Variants in RHBDF2 observed in about 807,000 individuals in gnomAD.
RHBDF2 encodes the protein rhomboid 5 homolog 2, also known as inactive rhomboid protein 2.
A neutral mutation model predicts 95.2 loss-of-function variants in RHBDF2; 38 were observed. The ratio of observed to expected loss-of-function variants is 0.40; its 90% CI spans 0.31 to 0.52. RHBDF2 has a LOEUF of 0.52. Ranked by LOEUF, RHBDF2 falls within the 20% of genes least tolerant of loss-of-function variation. RHBDF2 has a pLI of 0.56. For synonymous variants in RHBDF2, 442 were observed against 462.0 expected (o/e 0.96, Z 0.55); for missense variants, 863 against 1,137.7 (o/e 0.76, Z 3.47).
chr17:76,479,816 C>T lies in RHBDF2; in HGVS notation c.189G>A (p.Gln63=). The change falls in exon 4 of 19, where the codon CAG becomes CAA. Residue 63 remains glutamine (Q), a synonymous_variant. Coordinates refer to ENST00000675367, the MANE Select transcript of RHBDF2 (RefSeq NM_001005498.4). ...NPAYLKSVSL[Q]EPRSRWQESS... The stretch of plus-strand genomic sequence containing the variant: ...TCTCCTGCCATCGGCTGCGTGGCTC[C>T]TGGAGGCTGACGCTCTTCAAGTAGG... 1 of 1,613,200 alleles carries T rather than the reference C, an allele frequency of 6.2e-7. No individual in the cohort carries two copies. The highest frequency in any genetic ancestry group is 8.5e-7 in the Non-Finnish European group (1 of 1,179,832).
rs2073705546 is a variant in RHBDF2 at position 76,474,611 on chromosome 17, C to T, written c.1303-77G>A. 6.2e-6 allele frequency: 10 copies of T among 1,609,668 alleles called. No homozygotes were observed. The Admixed American group carries it at 1.7e-4, about 27-fold the overall frequency. On this transcript the variant is annotated intron_variant, in intron 11 of 18. Coordinates refer to ENST00000675367, the MANE Select transcript of RHBDF2 (RefSeq NM_001005498.4). ...AGGGGTCCATCACTCCACCTCTGCC[C>T]CGCAGAGTCTCCCCTGATGAGGGGC...
chr17:76,485,411 CAAAAAAAAAAAAAAA>C (rs35202087), intron 2 of RHBDF2, among the ~76,000 whole-genome samples: 1 of 62,778 alleles, frequency 1.6e-5, no homozygotes, highest in African/African-American at 6.5e-5. Context: ...AACTCTGTCT[CAAAAAAAAAAAAAAA>C]AAAAAAAGAG....
At position 76,478,801 on chromosome 17, in the gene RHBDF2, C is replaced by T. The variant is rs773585534; in HGVS notation, c.672+5G>A. On this transcript the variant is annotated splice_donor_5th_base_variant and intron_variant, in intron 6 of 18. Transcript: ENST00000675367. ...GTGGGGGCCCTGCAGGAGGGAGCCC[C>T]GCACCTTGAGGAGGGCAGCGGCAGC... The T allele has an allele frequency of 1.5e-5, 24 of 1,608,886 alleles. No homozygotes were observed. Among genetic ancestry groups the T allele is most frequent in the Admixed American group, 5.0e-5 (3 of 59,464 alleles).
Position 76,474,140 on chromosome 17 carries a change from C to G in RHBDF2, c.1467G>C (p.Glu489Asp), listed in dbSNP as rs367660554. 1.8e-5 allele frequency: 29 copies of G among 1,575,854 alleles called. No individual in the cohort carries two copies. The highest frequency in any genetic ancestry group is 1.8e-5 in the Admixed American group (1 of 57,074). The change falls in exon 13 of 19, where the codon GAG (glutamate) becomes GAC (aspartate). Residue 489 changes from glutamate (E) to aspartate (D), a missense_variant and splice_region_variant. Glu to Asp is a conservative substitution (Grantham distance 45). Around this residue, in one of 2 missense-constraint regions of RHBDF2, gnomAD observed 611 missense variants for 725.5 expected, o/e 0.84. Coordinates refer to ENST00000675367, the MANE Select transcript of RHBDF2 (RefSeq NM_001005498.4). ...GCCACTTGACAAAAGTGGCCAAAGTCTCCTGGAGGGCAGAAGAAGGCTGGT... is the reference window on the plus strand; with the variant it reads ...GCCACTTGACAAAAGTGGCCAAAGTGTCCTGGAGGGCAGAAGAAGGCTGGT... ...CIQTQRKDCS[E>D]TLATFVKWQD...
chr17:76,480,936 G>T (rs1457352499), intron 3 of RHBDF2, among the ~76,000 whole-genome samples: 1 of 152,206 alleles, frequency 6.6e-6, no homozygotes, highest in Non-Finnish European at 1.5e-5. Context: ...AGACCAGACT[G>T]TCAGAAACAC....
chr17:76,478,531 C>T (rs2073844963), intron 6 of RHBDF2, among the ~76,000 whole-genome samples: 1 of 152,214 alleles, frequency 6.6e-6, no homozygotes, highest in East Asian at 1.9e-4. Flanking sequence ...AAGTATGCAT[C>T]TCACTTCCCA....
chr17:76,493,481 T>A (rs2144413247), intron 1 of RHBDF2, among the ~76,000 whole-genome samples: 1 of 151,912 alleles, frequency 6.6e-6, no homozygotes, highest in African/African-American at 2.4e-5. Flanking sequence ...GGCAGGAAAG[T>A]GGCAAGAAGG....
intron 1 of RHBDF2, among the ~76,000 whole-genome samples, chr17:76,488,883 G>A (rs1438607741): frequency 1.3e-5 from 2 of 152,114 alleles, no homozygotes; most frequent in African/African-American, 2.4e-5. Flanking sequence ...GGGAGGCGGA[G>A]GTTGCAGTGA....
intron 1 of RHBDF2, among the ~76,000 whole-genome samples, chr17:76,496,952 C>T (rs1026784222): frequency 7.9e-5 from 12 of 152,020 alleles, no homozygotes; most frequent in African/African-American, 2.2e-4. Context: ...TTAGTAGAGA[C>T]GGGGTTTCAC....
In RHBDF2 at chr17:76,480,152, G is replaced by A. The variant is rs1403863435; in HGVS notation, c.151-298C>T. On this transcript the variant is annotated intron_variant, in intron 3 of 18. Transcript: ENST00000675367. ...GGCTGGAGTGCAGTGGTGTGGTCTC[G>A]ACTCACTGACACCTCCGCCTCCCAG... 5.6e-5 allele frequency among the ~76,000 whole-genome samples: 7 copies of A among 126,064 alleles called. No individual in the cohort carries two copies. In the Middle Eastern group the frequency reaches 0.023, roughly 409 times the overall value. 82.7% of individuals were successfully genotyped at this position (126,064 alleles called of 152,430 possible). A position where few individuals can be genotyped will look rare whatever the true frequency, so the allele number is the denominator to read the frequency against.
intron 18 of RHBDF2, 24 bp downstream of exon 18, chr17:76,472,662 G>A: frequency 1.2e-6 from 2 of 1,613,732 alleles, no homozygotes; most frequent in Non-Finnish European, 1.7e-6. Flanking sequence ...TGTGCGGAAG[G>A]GGTCCCATCC....
At chr17:76,481,750 C>A (rs148593277) in intron 2 of RHBDF2, 33 of 405,426 alleles carry the variant, frequency 8.1e-5, no homozygotes, top group African/African-American at 6.4e-4. Flanking sequence ...GTCAGGAGAT[C>A]GAGACCATCC....
chr17:76,472,544 C>T lies in RHBDF2; in HGVS notation c.2064+142G>A, dbSNP rs752973015. On this transcript the variant is annotated intron_variant, in intron 18 of 18. Coordinates refer to ENST00000675367, the MANE Select transcript of RHBDF2 (RefSeq NM_001005498.4). ...TGGGATTAAGAGACCAGCCAGTAAGCCCCCAGATTAGCTGTCCCTCCGCTG... is the reference window on the plus strand; with the variant it reads ...TGGGATTAAGAGACCAGCCAGTAAGTCCCCAGATTAGCTGTCCCTCCGCTG... 4.8e-6 allele frequency: 5 copies of T among 1,052,594 alleles called. No individual in the cohort carries two copies. In the South Asian group the frequency reaches 5.3e-5, roughly 11 times the overall value. 65.2% of individuals were successfully genotyped at this position (1,052,594 alleles called of 1,614,324 possible).
At chr17:76,476,773 C>T (rs1247226458) in intron 9 of RHBDF2, 57 bp downstream of exon 9, 5 of 1,514,582 alleles carry the variant, frequency 3.3e-6, no homozygotes, top group Admixed American at 4.1e-5. Flanking sequence ...TTCAGGAGGG[C>T]CCAGAGGAAT....
chr17:76,471,921 G>C lies in RHBDF2; in HGVS notation c.2196C>G (p.Ile732Met), dbSNP rs1316519936. ...TGTCGATCCAGGGCAGGAGGCCACA[G>C]ATGAACAGGAAGAGCACGATGGCCG... The part of the protein sequence containing the change: ...NLSAIVLFLF[I>M]CGLLPWIDNI... The change falls in exon 19 of 19, where the codon ATC (isoleucine) becomes ATG (methionine). Residue 732 changes from isoleucine (I) to methionine (M), a missense_variant. Transcript: ENST00000675367. The C allele has an allele frequency of 3.2e-6, 5 of 1,575,124 alleles. No individual in the cohort carries two copies. The highest frequency in any genetic ancestry group is 4.3e-6 in the Non-Finnish European group (5 of 1,160,180).
At chr17:76,486,109 CACACACATAT>C (rs1349799189) in intron 2 of RHBDF2, among the ~76,000 whole-genome samples, 27 of 140,534 alleles carry the variant, frequency 1.9e-4, no homozygotes, top group African/African-American at 6.8e-4. Context: ...CACACACACA[CACACACATAT>C]AGTTTTTGAG....
rs751482282 is a variant in RHBDF2, at chr17:76,479,159, G to A, written c.391C>T (p.Arg131Cys). 88 of 1,613,060 alleles carry A rather than the reference G, an allele frequency of 5.5e-5. No homozygotes were observed. Among genetic ancestry groups the A allele is most frequent in the Middle Eastern group, 5.0e-4 (3 of 5,966 alleles). ...TCCTGGCTGGGGAGCTCCAGGTCACGCTGGCACGAGGCCTTCAGGCGGCCG... is the reference window on the plus strand; with the variant it reads ...TCCTGGCTGGGGAGCTCCAGGTCACACTGGCACGAGGCCTTCAGGCGGCCG... ...RYGRLKASCQ[R>C]DLELPSQEAP... is the part of the protein sequence containing the mutation. Residue 131 changes from arginine to cysteine, a missense_variant, in exon 5 of 19, where the codon CGT becomes TGT. Around this residue, in one of 2 missense-constraint regions of RHBDF2, gnomAD observed 611 missense variants for 725.5 expected, o/e 0.84. Transcript: ENST00000675367.
In RHBDF2 at chr17:76,487,697, C is replaced by T. The variant is rs1313266136; in HGVS notation, c.-22+15G>A. The stretch of plus-strand genomic sequence containing the variant: ...AGCGCCCTGGGTCCAGCCACCCGGC[C>T]GCCCAGCTTCCTACCTTCGAGTCTG... On this transcript the variant is annotated intron_variant, in intron 2 of 18. Coordinates refer to ENST00000675367, the MANE Select transcript of RHBDF2 (RefSeq NM_001005498.4). The T allele has an allele frequency of 2.0e-5, 3 of 152,686 alleles. No individual in the cohort carries two copies. Among genetic ancestry groups the T allele is most frequent in the African/African-American group, 4.8e-5 (2 of 41,470 alleles). The allele number at this position is 152,686 out of a possible 1,614,324, so 9.5% of individuals were successfully genotyped here. A position where few individuals can be genotyped will look rare whatever the true frequency, so the allele number is the denominator to read the frequency against.
chr17:76,495,947 C>T (rs902033281), intron 1 of RHBDF2, among the ~76,000 whole-genome samples: 1 of 152,172 alleles, frequency 6.6e-6, no homozygotes, highest in Non-Finnish European at 1.5e-5. Context: ...GTTGCTTGTC[C>T]CAAGCAGGCC....
Sources: allele counts gnomAD v4.1 joint callset (sites outside exome capture counted in the v4.1 genomes callset), GRCh38; gene constraint gnomAD v4.1.1; regional missense constraint gnomAD v4.1.1; transcripts MANE v1.5; gene names NCBI Gene and HGNC (gene_info 2026-07-23, HGNC 2026-07-21).